The following COPA variants were observed in gnomAD, a reference collection of about 807,000 sequenced individuals.
COPA encodes coatomer subunit alpha.
Under a neutral mutation model 158.7 loss-of-function variants are expected in COPA, and 10 were observed. The observed-to-expected ratio is 0.06, with a 90% CI of 0.04 to 0.11. The LOEUF is 0.11. Among genes scored for constraint, COPA ranks in the 10% least tolerant of loss-of-function variants. COPA has a pLI of 1.00. For missense variants in COPA, 1,065 were observed against 1,536.7 expected (o/e 0.69, Z 5.13); for synonymous variants, 462 against 542.8 (o/e 0.85, Z 2.07).
At chr1:160,295,911 TA>T (rs772953008) in intron 22 of COPA, 52 bp from the exon 23 acceptor site, 1 of 1,582,804 alleles carries the variant, frequency 6.3e-7, no homozygotes, top group East Asian at 2.2e-5. Flanking sequence ...GGAAGTCACG[TA>T]AGGAAAGTTA....
At chr1:160,313,311 C>A in intron 9 of COPA, 144 bp from the exon 10 acceptor site, 2 of 666,796 alleles carry the variant, frequency 3.0e-6, no homozygotes, top group South Asian at 1.9e-5. Context: ...TAACAGTAGT[C>A]GTGATAAATT....
At chr1:160,334,877 T>C (rs1294871810) in intron 4 of COPA, among the ~76,000 whole-genome samples, 1 of 152,208 alleles carries the variant, frequency 6.6e-6, no homozygotes, top group Non-Finnish European at 1.5e-5. Context: ...CTGATCAAAA[T>C]GGCATCTTAG....
In COPA at chr1:160,289,763, A is replaced by T. The variant is rs1658161427; in HGVS notation, c.*394T>A. ...ATGCTACCATGCCAGGCTAATTTTT[A>T]TATTTTTATTAGAGACGGGGTGTTG... On this transcript the variant is annotated 3_prime_UTR_variant, in exon 33 of 33. Transcript: ENST00000241704. 1 of 158,052 alleles carries T rather than the reference A, an allele frequency of 6.3e-6. No individual in the cohort carries two copies. Among genetic ancestry groups the T allele is most frequent in the South Asian group, 1.8e-4 (1 of 5,496 alleles). The allele number at this position is 158,052 out of a possible 1,614,324, so 9.8% of individuals were successfully genotyped here.
At chr1:160,291,282 C>G (rs1042171426) in intron 31 of COPA, 53 bp downstream of exon 31, 4 of 1,599,502 alleles carry the variant, frequency 2.5e-6, no homozygotes, top group Admixed American at 1.7e-5. Flanking sequence ...TCTGCTCCCT[C>G]CATGTAAGAG....
chr1:160,301,430 T>G (rs1427600766), intron 17 of COPA, among the ~76,000 whole-genome samples: 1 of 152,182 alleles, frequency 6.6e-6, no homozygotes, highest in Non-Finnish European at 1.5e-5. Flanking sequence ...TTCAAGCATG[T>G]CAAGTAAGGG....
chr1:160,294,933 T>A, intron 23 of COPA, 76 bp from the exon 24 acceptor site: 1 of 1,257,920 alleles, frequency 7.9e-7, no homozygotes, highest in Non-Finnish European at 1.1e-6. Flanking sequence ...GTAGGCAGGT[T>A]AAATCCTTTC....
intron 6 of COPA, among the ~76,000 whole-genome samples, chr1:160,331,100 A>C (rs1647492284): frequency 6.6e-6 from 1 of 152,142 alleles, no homozygotes; most frequent in Non-Finnish European, 1.5e-5. Context: ...AACAACAAAT[A>C]CTAACTGGTC....
chr1:160,295,963 G>A, intron 22 of COPA, 98 bp downstream of exon 22: 3 of 1,577,162 alleles, frequency 1.9e-6, no homozygotes, highest in Non-Finnish European at 2.6e-6. Flanking sequence ...TGCCTCTCCT[G>A]GTAACCAGGT....
intron 13 of COPA, among the ~76,000 whole-genome samples, 156 bp from the exon 14 acceptor site, chr1:160,307,401 T>C (rs1300024473): frequency 6.6e-6 from 1 of 152,224 alleles, no homozygotes; most frequent in Non-Finnish European, 1.5e-5. Flanking sequence ...GGGGCTATTA[T>C]TGAGTGACTT....
At chr1:160,317,541 C>G (rs2101851696) in intron 8 of COPA, 1 of 1,607,718 alleles carries the variant, frequency 6.2e-7, no homozygotes, top group African/African-American at 1.3e-5. Flanking sequence ...TCAAGAAACT[C>G]AAAGAATCAT....
chr1:160,333,717 C>T lies in COPA; in HGVS notation c.310-38G>A, dbSNP rs74123112. 9,762 of 1,500,620 alleles carry T rather than the reference C, an allele frequency of 6.5e-3. 506 individuals carry two copies. In the African/African-American group the frequency reaches 0.12, roughly 18 times the overall value. 93.0% of individuals were successfully genotyped at this position (1,500,620 alleles called of 1,614,324 possible). A position where few individuals can be genotyped will look rare whatever the true frequency, so the allele number is the denominator to read the frequency against. ...CCAGACAAAGGCTTTAAACATTAAACAAATCTGTTCTATCAGGTTCTTGTA... is the reference window on the plus strand; with the variant it reads ...CCAGACAAAGGCTTTAAACATTAAATAAATCTGTTCTATCAGGTTCTTGTA... On this transcript the variant is annotated intron_variant, in intron 4 of 32. Coordinates refer to ENST00000241704, the MANE Select transcript of COPA (RefSeq NM_004371.4).
intron 8 of COPA, among the ~76,000 whole-genome samples, chr1:160,314,801 G>A (rs1467086018): frequency 1.3e-5 from 2 of 152,066 alleles, no homozygotes; most frequent in South Asian, 4.2e-4. Flanking sequence ...CTTCAGACAG[G>A]GGCCTTATCT....
chr1:160,307,473 C>T (rs1215093205), intron 13 of COPA, among the ~76,000 whole-genome samples: 1 of 152,234 alleles, frequency 6.6e-6, no homozygotes, highest in South Asian at 2.1e-4. Context: ...TTCTCTAGGC[C>T]AAGTGGTTGC....
At chr1:160,340,872 C>T (rs138150347) in intron 1 of COPA, among the ~76,000 whole-genome samples, 19 of 152,158 alleles carry the variant, frequency 1.2e-4, no homozygotes, top group Non-Finnish European at 2.5e-4. Flanking sequence ...CCCTCTTCTC[C>T]GGTATTTTGC....
chr1:160,339,662 A>G, intron 3 of COPA: 1 of 430,860 alleles, frequency 2.3e-6, no homozygotes, highest in Non-Finnish European at 4.2e-6. Context: ...TATCTTCTGT[A>G]TTAGAATAAA....
In COPA at chr1:160,291,518, A is replaced by G. The variant is rs147502309; in HGVS notation, c.3259-22T>C. ...CCATCTGGTGGACAGAAAAAGGAAC[A>G]CATGCCAGGTTGATGCTACACCTGG... is the stretch of plus-strand genomic sequence containing the variant. On this transcript the variant is annotated intron_variant, in intron 30 of 32. Coordinates refer to ENST00000241704, the MANE Select transcript of COPA (RefSeq NM_004371.4). 1,170 of 1,609,512 alleles carry G rather than the reference A, an allele frequency of 7.3e-4. 8 individuals carry two copies. The African/African-American group carries it at 0.014, about 19-fold the overall frequency.
Position 160,291,378 on chromosome 1 carries a change from C to T in COPA, c.3377G>A (p.Arg1126Gln), listed in dbSNP as rs149398610. The change falls in exon 31 of 33, where the codon CGG (arginine) becomes CAG (glutamine). Residue 1126 changes from arginine (R) to glutamine (Q), a missense_variant. Arg to Gln is a conservative substitution (Grantham distance 43). Transcript: ENST00000241704. ...CTTGGGCCCGAGTTCTAGTAGGCGC[C>T]GAGCAAAGGTGGCAGCTGTCTTGAA... is the stretch of plus-strand genomic sequence containing the variant. ...KNFKTAATFA[R>Q]RLLELGPKPE... 3.4e-5 allele frequency: 55 copies of T among 1,613,912 alleles called. No individual in the cohort carries two copies. The East Asian group carries it at 1.1e-3, about 32-fold the overall frequency.
intron 6 of COPA, among the ~76,000 whole-genome samples, chr1:160,330,211 A>T (rs1647441260): frequency 6.6e-6 from 1 of 151,912 alleles, no homozygotes; most frequent in South Asian, 2.1e-4. Context: ...AGACAGAGAG[A>T]GTGCTTTGAA....
At chr1:160,303,350 CAG>C (rs2101834103) in intron 17 of COPA, among the ~76,000 whole-genome samples, 1 of 152,256 alleles carries the variant, frequency 6.6e-6, no homozygotes, top group African/African-American at 2.4e-5. Context: ...TTATTTAAGA[CAG>C]TGTGGAATTA....
Sources: allele counts gnomAD v4.1 joint callset (sites outside exome capture counted in the v4.1 genomes callset), GRCh38; gene constraint gnomAD v4.1.1; transcripts MANE v1.5; gene names NCBI Gene and HGNC (gene_info 2026-07-23, HGNC 2026-07-21).